Variants in GABRG1 observed in about 807,000 individuals in gnomAD.
GABRG1 encodes gamma-aminobutyric acid receptor subunit gamma-1.
GABRG1 carries 49 observed loss-of-function variants against 49.8 expected under a neutral mutation model. The observed-to-expected ratio is 0.98, with a 90% CI of 0.78 to 1.25. The LOEUF is 1.25. GABRG1 is among the 50% of genes most tolerant of loss of function. The pLI, the probability that GABRG1 is intolerant of heterozygous loss-of-function variation, is 0.00. For synonymous variants in GABRG1, 232 were observed against 185.1 expected, an observed-to-expected ratio of 1.25 and a Z score of -2.06; for missense variants, 552 against 552.3, an observed-to-expected ratio of 1.00 and a Z score of 0.01.
intron 1 of GABRG1, 149 bp downstream of exon 1, chr4:46,123,661 T>C (rs1458528708): frequency 1.6e-6 from 1 of 614,294 alleles, no homozygotes; most frequent in African/African-American, 1.9e-5. Context: ...TGAATAGATC[T>C]AATCAGAAAA....
chr4:46,116,857 G>A (rs1720909598), intron 1 of GABRG1, among the ~76,000 whole-genome samples: 1 of 150,728 alleles, frequency 6.6e-6, no homozygotes, highest in Non-Finnish European at 1.5e-5. Flanking sequence ...TAATACTTAA[G>A]TTCAATCCAG....
At chr4:46,062,315 G>T (rs1182519995) in intron 5 of GABRG1, among the ~76,000 whole-genome samples, 1 of 151,768 alleles carries the variant, frequency 6.6e-6, no homozygotes, top group African/African-American at 2.4e-5. Context: ...TTGCTATTGT[G>T]AATAGTGCCG....
intron 1 of GABRG1, among the ~76,000 whole-genome samples, chr4:46,113,044 C>T (rs1330119686): frequency 2.6e-5 from 4 of 151,186 alleles, no homozygotes; most frequent in African/African-American, 9.7e-5. Flanking sequence ...TGACTGAAAG[C>T]TTCACTCACT....
chr4:46,067,693 G>A (rs1718969803), intron 3 of GABRG1, among the ~76,000 whole-genome samples: 1 of 152,092 alleles, frequency 6.6e-6, no homozygotes, highest in Non-Finnish European at 1.5e-5. Context: ...TTGCAACCAT[G>A]TAAGCCTTAT....
chr4:46,070,064 T>A lies in GABRG1; in HGVS notation c.322-4480A>T, dbSNP rs13116563. ...GCCATATATAATGAAAAAGTAGACA[T>A]CTTCTGTATGTCAGGGAATGTACAT... On this transcript the variant is annotated intron_variant, in intron 3 of 8. Transcript: ENST00000295452. 4.0e-3 allele frequency among the ~76,000 whole-genome samples: 612 copies of A among 152,030 alleles called. 2 individuals carry two copies. Among genetic ancestry groups the A allele is most frequent in the Non-Finnish European group, 6.6e-3 (446 of 67,928 alleles).
intron 3 of GABRG1, among the ~76,000 whole-genome samples, chr4:46,066,098 TTTA>T (rs1294686250): frequency 1.3e-5 from 2 of 152,154 alleles, no homozygotes; most frequent in African/African-American, 4.8e-5. Flanking sequence ...CACAGTTGGC[TTTA>T]TTATTTTTTA....
At chr4:46,073,472 T>C (rs1577648208) in intron 3 of GABRG1, among the ~76,000 whole-genome samples, 1 of 152,216 alleles carries the variant, frequency 6.6e-6, no homozygotes, top group East Asian at 1.9e-4. Context: ...TTTTGGTCAC[T>C]TATTTCATAC....
chr4:46,062,290 G>T (rs1467468039), intron 5 of GABRG1, among the ~76,000 whole-genome samples: 1 of 151,434 alleles, frequency 6.6e-6, no homozygotes, highest in Non-Finnish European at 1.5e-5. Flanking sequence ...GGACATTTGG[G>T]TTGGTTCCAA....
rs576655518 is a variant in GABRG1, at chr4:46,108,625, A to AT, written c.105-11277dup. Among the ~76,000 whole-genome samples the AT allele has an allele frequency of 3.4e-3, 511 of 148,260 alleles. 2 individuals carry two copies. Among genetic ancestry groups the AT allele is most frequent in the African/African-American group, 0.01 (416 of 40,736 alleles). On this transcript the variant is annotated intron_variant, in intron 1 of 8. Coordinates refer to ENST00000295452, the MANE Select transcript of GABRG1 (RefSeq NM_173536.4). ...CCTTACCACTCTCCATGAGCGTGGG[A>AT]TTTTTTTTTTGTTTATGGATGCATC...
At chr4:46,084,132 TTAA>T in intron 2 of GABRG1, 79 bp from the exon 3 acceptor site, 1 of 761,312 alleles carries the variant, frequency 1.3e-6, no homozygotes, top group Non-Finnish European at 2.2e-6. Flanking sequence ...TAAAGAAATC[TTAA>T]TAACTACTTA....
chr4:46,051,223 G>C (rs1023142231), intron 8 of GABRG1, among the ~76,000 whole-genome samples: 3 of 151,776 alleles, frequency 2.0e-5, no homozygotes, highest in Middle Eastern at 6.8e-3. Flanking sequence ...CTTTACACAG[G>C]GGATCCAATG....
intron 1 of GABRG1, among the ~76,000 whole-genome samples, chr4:46,108,652 C>T (rs1720632778): frequency 6.6e-6 from 1 of 150,728 alleles, no homozygotes; most frequent in Non-Finnish European, 1.5e-5. Context: ...GGATGCATCT[C>T]TAGTGACTAG....
rs780057500 is a variant in GABRG1 at position 46,051,459 on chromosome 4, C to A, written c.1096G>T (p.Ala366Ser). The change falls in exon 8 of 9, where the codon GCT becomes TCT. Residue 366 changes from alanine to serine, a missense_variant. By Grantham distance (99) the Ala-to-Ser change is moderately conservative (BLOSUM62 1). Coordinates refer to ENST00000295452, the MANE Select transcript of GABRG1 (RefSeq NM_173536.4). Reference protein sequence around the residue: ...YFTSNQKGKTATKDRKLKNKA... With the variant: ...YFTSNQKGKTSTKDRKLKNKA... The stretch of plus-strand genomic sequence containing the variant: ...TTTTTTAGCTTTCTGTCTTTAGTAG[C>A]AGTCTTTCCTTTTTGGTTGCTGGTA... 2.5e-6 allele frequency: 4 copies of A among 1,610,050 alleles called. No homozygotes were observed. In the South Asian group the frequency reaches 4.4e-5, roughly 18 times the overall value.
intron 3 of GABRG1, among the ~76,000 whole-genome samples, chr4:46,078,716 T>C (rs893474992): frequency 3.9e-5 from 6 of 152,016 alleles, no homozygotes; most frequent in Non-Finnish European, 7.4e-5. Context: ...GAGGCTTACT[T>C]AAAAGTCAGT....
chr4:46,048,090 A>G (rs1718071230), intron 8 of GABRG1, among the ~76,000 whole-genome samples: 3 of 152,030 alleles, frequency 2.0e-5, no homozygotes, highest in Admixed American at 2.0e-4. Flanking sequence ...TCAAGTTTCA[A>G]CATAAACTAC....
intron 2 of GABRG1, among the ~76,000 whole-genome samples, chr4:46,093,609 T>C (rs969395014): frequency 6.6e-6 from 1 of 151,922 alleles, no homozygotes; most frequent in Non-Finnish European, 1.5e-5. Context: ...GGAATGTTCA[T>C]ACCAAAAAGA....
chr4:46,048,107 A>G (rs1718071745), intron 8 of GABRG1, among the ~76,000 whole-genome samples: 1 of 151,982 alleles, frequency 6.6e-6, no homozygotes, highest in East Asian at 1.9e-4. Flanking sequence ...CTACTCTTCA[A>G]TTGGCAAAGG....
intron 4 of GABRG1, 78 bp from the exon 5 acceptor site, chr4:46,064,601 C>T (rs1718837348): frequency 1.5e-6 from 1 of 677,814 alleles, no homozygotes; most frequent in Non-Finnish European, 2.4e-6. Context: ...CATTTTAAAA[C>T]AAGATTTTGT....
chr4:46,069,080 T>C (rs773956024), intron 3 of GABRG1, among the ~76,000 whole-genome samples: 1 of 152,096 alleles, frequency 6.6e-6, no homozygotes, highest in East Asian at 1.9e-4. Context: ...CATTACTACA[T>C]TGTCAGTTTG....
Sources: allele counts gnomAD v4.1 joint callset (sites outside exome capture counted in the v4.1 genomes callset), GRCh38; gene constraint gnomAD v4.1.1; transcripts MANE v1.5; gene names NCBI Gene and HGNC (gene_info 2026-07-23, HGNC 2026-07-21).